The following ANO3 variants were observed in gnomAD, a reference collection of about 807,000 sequenced individuals.
ANO3 encodes the protein anoctamin 3, also known as anoctamin-3.
ANO3 carries 99 observed loss-of-function variants against 144.8 expected under a neutral mutation model. The ratio of observed to expected loss-of-function variants is 0.68; its 90% confidence interval spans 0.58 to 0.81. The LOEUF is 0.81. Ranked by LOEUF, ANO3 falls within the 30% of genes least tolerant of loss-of-function variation. ANO3 has a pLI of 0.00. For synonymous variants in ANO3, 414 were observed against 392.6 expected (o/e 1.05, Z -0.64); for missense variants, 905 against 1,202.2 (o/e 0.75, Z 3.66).
chr11:26,217,011 A>G (rs182028815), intron 1 of ANO3, among the ~76,000 whole-genome samples: 5 of 152,146 alleles, frequency 3.3e-5, no homozygotes, highest in Admixed American at 2.6e-4. Context: ...CCGAATCTGT[A>G]GCTTATGCTT....
intron 14 of ANO3, among the ~76,000 whole-genome samples, chr11:26,593,985 T>C (rs781393820): frequency 1.1e-4 from 16 of 152,218 alleles, no homozygotes; most frequent in East Asian, 3.8e-4. Context: ...TTTTTTCTAA[T>C]GTCTGCAGCT....
At chr11:26,332,434 T>C in intron 1 of ANO3, 113 bp downstream of exon 1, 1 of 910,292 alleles carries the variant, frequency 1.1e-6, no homozygotes, top group South Asian at 1.5e-5. Flanking sequence ...GGTGGGGAAC[T>C]CTGTGAAGTT....
chr11:26,241,191 G>A (rs907426179), intron 1 of ANO3, among the ~76,000 whole-genome samples: 1 of 152,014 alleles, frequency 6.6e-6, no homozygotes, highest in Non-Finnish European at 1.5e-5. Flanking sequence ...GCCTTCCACC[G>A]TGATTGTGAA....
intron 26 of ANO3, among the ~76,000 whole-genome samples, chr11:26,659,099 C>CACACACACACATAT (rs76897197): frequency 6.7e-6 from 1 of 150,010 alleles, no homozygotes; most frequent in Non-Finnish European, 1.5e-5. Flanking sequence ...CACACACACA[C>CACACACACACATAT]ATATATATAT....
At chr11:26,301,199 G>T (rs961766081) in intron 1 of ANO3, among the ~76,000 whole-genome samples, 5 of 151,884 alleles carry the variant, frequency 3.3e-5, no homozygotes, top group African/African-American at 1.2e-4. Context: ...ATAAACTATG[G>T]CAATCCCAGA....
At chr11:26,469,818 GAAAT>G (rs1378321312) in intron 4 of ANO3, among the ~76,000 whole-genome samples, 1 of 151,848 alleles carries the variant, frequency 6.6e-6, no homozygotes, top group African/African-American at 2.4e-5. Flanking sequence ...ATGTAAGAAT[GAAAT>G]AAATTGAAAA....
intron 4 of ANO3, chr11:26,473,825 C>T: frequency 1.5e-6 from 1 of 655,342 alleles, no homozygotes; most frequent in Non-Finnish European, 1.9e-6. Flanking sequence ...CCCTATTCCA[C>T]CCTATAACCA....
chr11:26,550,820 AT>A (rs370697321), intron 12 of ANO3, among the ~76,000 whole-genome samples: 16 of 151,808 alleles, frequency 1.1e-4, no homozygotes, highest in African/African-American at 2.7e-4. Flanking sequence ...TGGTAATTCT[AT>A]TTTTGATTTT....
intron 14 of ANO3, among the ~76,000 whole-genome samples, chr11:26,583,312 C>T (rs1185595733): frequency 7.2e-5 from 11 of 152,160 alleles, no homozygotes; most frequent in Admixed American, 7.2e-4. Context: ...AATACTTAGG[C>T]TTCAAATGCT....
At chr11:26,336,958 CAA>C (rs1318941165) in intron 1 of ANO3, among the ~76,000 whole-genome samples, 1 of 152,086 alleles carries the variant, frequency 6.6e-6, no homozygotes, top group African/African-American at 2.4e-5. Flanking sequence ...TACTGAATAT[CAA>C]CCTGAATATT....
intron 3 of ANO3, among the ~76,000 whole-genome samples, chr11:26,454,504 A>G (rs1859073575): frequency 6.6e-6 from 1 of 152,204 alleles, no homozygotes; most frequent in African/African-American, 2.4e-5. Context: ...CTCAACATAT[A>G]TGCTCTCCCA....
chr11:26,438,006 TA>T (rs1858354848), intron 1 of ANO3, among the ~76,000 whole-genome samples: 1 of 151,958 alleles, frequency 6.6e-6, no homozygotes, highest in African/African-American at 2.4e-5. Flanking sequence ...TAAAATTATA[TA>T]AACTTTGAAA....
chr11:26,499,210 T>C (rs573777846), intron 4 of ANO3, among the ~76,000 whole-genome samples: 21 of 152,044 alleles, frequency 1.4e-4, no homozygotes, highest in Admixed American at 5.2e-4. Context: ...TTATTGGTTG[T>C]ATTCATAAAA....
chr11:26,585,779 C>T (rs1369773394), intron 14 of ANO3, among the ~76,000 whole-genome samples: 1 of 152,140 alleles, frequency 6.6e-6, no homozygotes, highest in Admixed American at 6.5e-5. Flanking sequence ...GTCACTTAAC[C>T]TCTCAGTACT....
chr11:26,595,758 T>C (rs536008969), intron 14 of ANO3, among the ~76,000 whole-genome samples: 2 of 152,324 alleles, frequency 1.3e-5, no homozygotes, highest in South Asian at 4.1e-4. Flanking sequence ...CAGTGGTTAG[T>C]GTTAAATCAC....
chr11:26,274,929 G>C (rs796759325), intron 1 of ANO3, among the ~76,000 whole-genome samples: 2 of 151,760 alleles, frequency 1.3e-5, no homozygotes, highest in African/African-American at 4.8e-5. Context: ...AAGAGAAGAA[G>C]GAAACCATTT....
chr11:26,479,804 A>T (rs1018599945), intron 4 of ANO3, among the ~76,000 whole-genome samples: 1 of 152,206 alleles, frequency 6.6e-6, no homozygotes, highest in African/African-American at 2.4e-5. Flanking sequence ...AGGGTATAAG[A>T]GAAAGAGAAC....
chr11:26,455,300 G>A (rs1209747257), intron 3 of ANO3, among the ~76,000 whole-genome samples: 2 of 150,380 alleles, frequency 1.3e-5, no homozygotes, highest in South Asian at 2.2e-4. Flanking sequence ...GTTTGCAGAC[G>A]ACATGATTGT....
chr11:26,485,313 A>C (rs190344361), intron 4 of ANO3, among the ~76,000 whole-genome samples: 42 of 151,946 alleles, frequency 2.8e-4, no homozygotes, highest in Non-Finnish European at 5.1e-4. Context: ...CGTGGGGCAG[A>C]CTTCTCCCTT....
Sources: gnomAD v4.1 joint callset for allele counts (sites outside exome capture counted in the v4.1 genomes callset) on GRCh38, gnomAD v4.1.1 for gene constraint, MANE v1.5 for transcripts, NCBI Gene and HGNC (gene_info 2026-07-23, HGNC 2026-07-21) for gene names.